The following GALNT2 variants were observed in gnomAD, a reference collection of about 807,000 sequenced individuals.
GALNT2 encodes UDP-GalNAc:polypeptide N-acetylgalactosaminyltransferase 2.
Under a neutral mutation model 81.4 loss-of-function variants are expected in GALNT2, and 31 were observed. The observed-to-expected ratio is 0.38, with a 90% CI of 0.29 to 0.51. The LOEUF (loss-of-function observed/expected upper bound fraction) is 0.51. Among genes scored for constraint, GALNT2 ranks in the 20% least tolerant of loss-of-function variants. The probability of loss-of-function intolerance (pLI) is 0.87; values close to 1 mark genes in which losing one functional copy is unlikely to be tolerated. For synonymous variants in GALNT2, 303 were observed against 287.4 expected, an observed-to-expected ratio of 1.05 and a Z score of -0.55; for missense variants, 629 against 765.7, an observed-to-expected ratio of 0.82 and a Z score of 2.11.
chr1:230,138,947 T>C lies in GALNT2; in HGVS notation c.127-39271T>C, dbSNP rs573012009. 1.4e-4 allele frequency among the ~76,000 whole-genome samples: 21 copies of C among 152,300 alleles called. No homozygotes were observed. The South Asian group carries it at 4.1e-3, about 30-fold the overall frequency. ...ATGACCTGTATCTCATGCTGACCTCTTGTCTTATCCTGTGACTGAGAACGC... is the reference window on the plus strand; with the variant it reads ...ATGACCTGTATCTCATGCTGACCTCCTGTCTTATCCTGTGACTGAGAACGC... On this transcript the variant is annotated intron_variant, in intron 1 of 15. Coordinates refer to ENST00000366672, the MANE Select transcript of GALNT2 (RefSeq NM_004481.5).
At chr1:230,258,276 C>T (rs1317714047) in intron 11 of GALNT2, among the ~76,000 whole-genome samples, 2 of 150,998 alleles carry the variant, frequency 1.3e-5, no homozygotes, top group Non-Finnish European at 2.9e-5. Context: ...GTTGCCCACA[C>T]TGGAGTGCAA....
intron 1 of GALNT2, among the ~76,000 whole-genome samples, chr1:230,068,432 C>A (rs902385791): frequency 6.6e-6 from 1 of 152,210 alleles, no homozygotes. Flanking sequence ...TTGAAAGCAG[C>A]GTTATCTTTT....
At chr1:230,250,406 AC>A in intron 9 of GALNT2, 50 bp from the exon 10 acceptor site, 1 of 1,411,354 alleles carries the variant, frequency 7.1e-7, no homozygotes, top group East Asian at 2.3e-5. Context: ...TGGCAATCTA[AC>A]CTTGACTTTG....
chr1:230,155,227 C>T (rs750207358), intron 1 of GALNT2, among the ~76,000 whole-genome samples: 1 of 152,162 alleles, frequency 6.6e-6, no homozygotes, highest in Non-Finnish European at 1.5e-5. Flanking sequence ...AGGCAGTCAC[C>T]GTTTGGGGCC....
chr1:230,068,131 C>T (rs897379299), intron 1 of GALNT2, among the ~76,000 whole-genome samples: 1 of 152,256 alleles, frequency 6.6e-6, no homozygotes, highest in African/African-American at 2.4e-5. Flanking sequence ...CATTTTCCAT[C>T]CCCACTCCCC....
upstream of GALNT2, chr1:230,067,230 C>G (rs1659217491): frequency 1.7e-6 from 2 of 1,185,440 alleles, no homozygotes; most frequent in Non-Finnish European, 2.1e-6. Context: ...GCGGCCGGCC[C>G]AGGCAGCACT....
chr1:230,090,949 C>A (rs924781651), intron 1 of GALNT2, among the ~76,000 whole-genome samples: 2 of 152,114 alleles, frequency 1.3e-5, no homozygotes, highest in Non-Finnish European at 2.9e-5. Flanking sequence ...GGTTTACATG[C>A]ATCAGAATTG....
At chr1:230,109,831 CAAA>C (rs562461775) in intron 1 of GALNT2, among the ~76,000 whole-genome samples, 1 of 117,964 alleles carries the variant, frequency 8.5e-6, no homozygotes, top group Non-Finnish European at 1.8e-5. Flanking sequence ...ACTTCGTCTC[CAAA>C]AAAAAAAAAA....
intron 1 of GALNT2, among the ~76,000 whole-genome samples, chr1:230,142,150 C>A (rs760490417): frequency 6.6e-6 from 1 of 152,044 alleles, no homozygotes; most frequent in East Asian, 1.9e-4. Context: ...GGATTAGGAC[C>A]TCCTGTGGAG....
chr1:230,228,975 G>A (rs779828005), intron 3 of GALNT2, among the ~76,000 whole-genome samples: 17 of 152,078 alleles, frequency 1.1e-4, no homozygotes, highest in Admixed American at 2.6e-4. Context: ...CAATATTTAT[G>A]AAGGATATAT....
chr1:230,228,324 C>T (rs992588199), intron 3 of GALNT2, among the ~76,000 whole-genome samples: 25 of 152,056 alleles, frequency 1.6e-4, no homozygotes, highest in Non-Finnish European at 3.4e-4. Context: ...AGCAAATGGT[C>T]ACAAATATCC....
At chr1:230,189,563 C>A (rs1425379166) in intron 2 of GALNT2, among the ~76,000 whole-genome samples, 1 of 152,214 alleles carries the variant, frequency 6.6e-6, no homozygotes, top group Non-Finnish European at 1.5e-5. Context: ...ATTGCTGCAG[C>A]ATCAGAGAGG....
chr1:230,125,654 C>T (rs1661151165), intron 1 of GALNT2, among the ~76,000 whole-genome samples: 1 of 151,890 alleles, frequency 6.6e-6, no homozygotes. Flanking sequence ...GTGCTGCTTG[C>T]TTAGAGGGGT....
chr1:230,199,102 A>T (rs1039802630), intron 2 of GALNT2, among the ~76,000 whole-genome samples: 4 of 152,336 alleles, frequency 2.6e-5, no homozygotes, highest in Non-Finnish European at 5.9e-5. Flanking sequence ...TTTAATTTCC[A>T]GAACTATTTT....
At chr1:230,171,651 C>T (rs2144301) in intron 1 of GALNT2, among the ~76,000 whole-genome samples, 59,462 of 152,094 alleles carry the variant, frequency 0.39, 14,497 homozygotes, top group East Asian at 0.71. Flanking sequence ...TTTATGTCTC[C>T]GTTAACAAAT....
At chr1:230,249,698 A>G (rs1277819050) in intron 9 of GALNT2, among the ~76,000 whole-genome samples, 2 of 152,122 alleles carry the variant, frequency 1.3e-5, no homozygotes, top group Non-Finnish European at 2.9e-5. Flanking sequence ...TAAGATTCCC[A>G]GGCCGGGCGG....
chr1:230,246,333 T>C (rs905301355), intron 8 of GALNT2, among the ~76,000 whole-genome samples, 183 bp downstream of exon 8: 1 of 152,206 alleles, frequency 6.6e-6, no homozygotes, highest in African/African-American at 2.4e-5. Context: ...AAAATAGGCT[T>C]GCTCCCTTAA....
intron 1 of GALNT2, among the ~76,000 whole-genome samples, chr1:230,173,333 G>A (rs1477261242): frequency 6.6e-6 from 1 of 152,174 alleles, no homozygotes; most frequent in Non-Finnish European, 1.5e-5. Context: ...TTGGTTGGCA[G>A]GGCATCCTAG....
intron 1 of GALNT2, among the ~76,000 whole-genome samples, chr1:230,087,209 A>G (rs567657900): frequency 1.3e-5 from 2 of 152,288 alleles, no homozygotes; most frequent in East Asian, 1.9e-4. Flanking sequence ...CACTCTCCCC[A>G]TAGGGAAGGG....
Sources: allele counts gnomAD v4.1 joint callset (sites outside exome capture counted in the v4.1 genomes callset), GRCh38; gene constraint gnomAD v4.1.1; transcripts MANE v1.5; gene names NCBI Gene and HGNC (gene_info 2026-07-23, HGNC 2026-07-21).